Variants in HIPK2 observed in about 807,000 individuals in gnomAD.
HIPK2 encodes homeodomain-interacting protein kinase 2.
A neutral mutation model predicts 113.7 loss-of-function variants in HIPK2; 27 were observed. The observed-to-expected ratio is 0.24, with a 90% CI of 0.17 to 0.33. The LOEUF is 0.33. Ranked by LOEUF, HIPK2 falls within the 10% of genes least tolerant of loss-of-function variation. HIPK2 has a pLI of 1.00. For synonymous variants in HIPK2, 631 were observed against 642.2 expected, an observed-to-expected ratio of 0.98 and a Z score of 0.26; for missense variants, 1,257 against 1,588.0, an observed-to-expected ratio of 0.79 and a Z score of 3.54.
At chr7:139,708,304 C>T (rs1416156556) in intron 2 of HIPK2, among the ~76,000 whole-genome samples, 3 of 152,056 alleles carry the variant, frequency 2.0e-5, no homozygotes, top group Admixed American at 6.5e-5. Flanking sequence ...TACTCAGCCC[C>T]GAACCCATCA....
chr7:139,600,641 A>G, intron 10 of HIPK2, 45 bp from the exon 11 acceptor site: 3 of 1,587,556 alleles, frequency 1.9e-6, no homozygotes, highest in Non-Finnish European at 2.6e-6. Flanking sequence ...GGTGTTCTAA[A>G]AGTAGAGCTC....
chr7:139,763,473 C>A (rs1796501675), intron 1 of HIPK2, among the ~76,000 whole-genome samples: 3 of 62,970 alleles, frequency 4.8e-5, no homozygotes, highest in East Asian at 1.6e-3. Context: ...CCGGAACACG[C>A]CCCCCCCCCC....
chr7:139,761,892 T>C (rs1796470336), intron 1 of HIPK2, among the ~76,000 whole-genome samples: 2 of 152,162 alleles, frequency 1.3e-5, no homozygotes, highest in South Asian at 4.1e-4. Context: ...CATCTATGCA[T>C]ACAAAAAGAC....
At chr7:139,624,918 T>C (rs1355833968) in intron 6 of HIPK2, among the ~76,000 whole-genome samples, 1 of 152,318 alleles carries the variant, frequency 6.6e-6, no homozygotes, top group Middle Eastern at 3.4e-3. Flanking sequence ...TTCCACCGTA[T>C]TTCTCTGGTC....
intron 11 of HIPK2, among the ~76,000 whole-genome samples, chr7:139,599,518 A>G (rs1799346190): frequency 6.6e-6 from 1 of 152,154 alleles, no homozygotes; most frequent in African/African-American, 2.4e-5. Flanking sequence ...TGATTTTTTC[A>G]AAGTGTTCAT....
rs36047435 is a variant in HIPK2, at chr7:139,563,513, GC to G, written c.*9413del. 4.8e-6 allele frequency: 1 copy of G among 207,356 alleles called. No individual in the cohort carries two copies. The highest frequency in any genetic ancestry group is 2.3e-5 in the African/African-American group (1 of 43,746). 12.8% of individuals were successfully genotyped at this position (207,356 alleles called of 1,614,324 possible). On this transcript the variant is annotated 3_prime_UTR_variant, in exon 15 of 15. Transcript: ENST00000406875. ...GGAAGCGAGGGAGAGCAGAGGCAGA[GC>G]CCTTTTTCAGATACAACATACTTAC...
chr7:139,701,152 C>T (rs1341494411), intron 2 of HIPK2, among the ~76,000 whole-genome samples: 3 of 152,138 alleles, frequency 2.0e-5, no homozygotes, highest in South Asian at 2.1e-4. Context: ...AGCAGTGAAC[C>T]GGCATCACTC....
chr7:139,630,609 G>A lies in HIPK2; in HGVS notation c.1347+556C>T, dbSNP rs1800575784. Among the ~76,000 whole-genome samples, 1 of 152,102 alleles carries A rather than the reference G, an allele frequency of 6.6e-6. No individual in the cohort carries two copies. The highest frequency in any genetic ancestry group is 2.4e-5 in the African/African-American group (1 of 41,416). On this transcript the variant is annotated intron_variant, in intron 4 of 14. Coordinates refer to ENST00000406875, the MANE Select transcript of HIPK2 (RefSeq NM_022740.5). The surrounding 1 kb of genome is among the most constrained non-coding windows in gnomAD (Gnocchi z 4.0). Reference sequence around the variant, plus strand: ...GACGGGGTTTCACCATGTTGGCCAGGCTGGTCTCGAATTCATGACCTCAAG... The same window carrying A: ...GACGGGGTTTCACCATGTTGGCCAGACTGGTCTCGAATTCATGACCTCAAG...
Position 139,567,429 on chromosome 7 carries a change from GAGAA to G in HIPK2, c.*5494_*5497del, listed in dbSNP as rs1163878615. ...TTTAAAAAAAAGGACAGAGAGGAAA[GAGAA>G]AGACAAATAGAATTGCATCACTAAT... is the stretch of plus-strand genomic sequence containing the variant. On this transcript the variant is annotated 3_prime_UTR_variant, in exon 15 of 15. Transcript: ENST00000406875. The G allele has an allele frequency of 4.0e-5, 6 of 151,832 alleles. No homozygotes were observed. Among genetic ancestry groups the G allele is most frequent in the African/African-American group, 1.5e-4 (6 of 41,302 alleles). 9.4% of individuals were successfully genotyped at this position (151,832 alleles called of 1,614,324 possible).
Position 139,717,028 on chromosome 7 carries a change from G to A in HIPK2, c.20-13C>T. The A allele has an allele frequency of 6.3e-7, 1 of 1,599,054 alleles. No homozygotes were observed. ...TGTGAGGCCATACCTACAAGGAAAG[G>A]AAAACGAAAAGTAAGTATCGGAGTC... On this transcript the variant is annotated splice_polypyrimidine_tract_variant and intron_variant, in intron 1 of 14. Transcript: ENST00000406875.
At chr7:139,747,390 GCCC>G (rs1422310813) in intron 1 of HIPK2, among the ~76,000 whole-genome samples, 4 of 152,154 alleles carry the variant, frequency 2.6e-5, no homozygotes, top group Non-Finnish European at 5.9e-5. Context: ...GGGACTAGCG[GCCC>G]CTCTGGGTAC....
intron 2 of HIPK2, among the ~76,000 whole-genome samples, chr7:139,650,751 G>T (rs187470698): frequency 1.2e-3 from 185 of 152,364 alleles, no homozygotes; most frequent in African/African-American, 4.1e-3. Context: ...CTCTGGAAGA[G>T]GACCCTCAAT....
intron 1 of HIPK2, among the ~76,000 whole-genome samples, chr7:139,776,236 A>G (rs2117191618): frequency 6.6e-6 from 1 of 152,270 alleles, no homozygotes; most frequent in South Asian, 2.1e-4. Flanking sequence ...AAGCCCCTGG[A>G]ATAACATCTC....
intron 1 of HIPK2, among the ~76,000 whole-genome samples, chr7:139,734,885 C>A (rs1354524056): frequency 6.6e-6 from 1 of 152,164 alleles, no homozygotes; most frequent in East Asian, 1.9e-4. Flanking sequence ...ATCTGCAGAT[C>A]CTAAATGAAG....
At chr7:139,761,165 T>A (rs1274721956) in intron 1 of HIPK2, among the ~76,000 whole-genome samples, 1 of 152,230 alleles carries the variant, frequency 6.6e-6, no homozygotes, top group Admixed American at 6.5e-5. Context: ...GAACCATGTG[T>A]CAGGGTAACC....
In HIPK2 at chr7:139,777,678, G is replaced by C; in HGVS notation, c.-55C>G. On this transcript the variant is annotated 5_prime_UTR_variant, in exon 1 of 15. Coordinates refer to ENST00000406875, the MANE Select transcript of HIPK2 (RefSeq NM_022740.5). ...ACGGGGACGGGAAAGCGGCGCGCGA[G>C]CTCGGCCCCCCCAGCCTCAGTCGGA... 1 of 1,088,746 alleles carries C rather than the reference G, an allele frequency of 9.2e-7. No homozygotes were observed. Among genetic ancestry groups the C allele is most frequent in the Non-Finnish European group, 1.1e-6 (1 of 895,262 alleles). The allele number at this position is 1,088,746 out of a possible 1,614,324, so 67.4% of individuals were successfully genotyped here. A position where few individuals can be genotyped will look rare whatever the true frequency, so the allele number is the denominator to read the frequency against.
chr7:139,596,051 A>C (rs377766228), intron 12 of HIPK2, among the ~76,000 whole-genome samples: 2 of 152,236 alleles, frequency 1.3e-5, no homozygotes, highest in East Asian at 3.9e-4. Context: ...GGGGTTGCTC[A>C]GAACCTGAGC....
At chr7:139,687,932 T>C (rs1482451177) in intron 2 of HIPK2, among the ~76,000 whole-genome samples, 1 of 152,222 alleles carries the variant, frequency 6.6e-6, no homozygotes, top group Admixed American at 6.5e-5. Flanking sequence ...CAAAGATCCT[T>C]GGGAAGAACC....
intron 12 of HIPK2, among the ~76,000 whole-genome samples, chr7:139,588,072 C>T (rs1000649088): frequency 6.6e-6 from 1 of 151,930 alleles, no homozygotes; most frequent in East Asian, 1.9e-4. Context: ...AATCCCAGAA[C>T]TTTGGGAGGC....
Sources: allele counts gnomAD v4.1 joint callset (sites outside exome capture counted in the v4.1 genomes callset), GRCh38; gene constraint gnomAD v4.1.1; non-coding constraint Gnocchi (gnomAD v3.1); transcripts MANE v1.5; gene names NCBI Gene and HGNC (gene_info 2026-07-23, HGNC 2026-07-21).